The following NCK2 variants were observed in gnomAD, a reference collection of about 807,000 sequenced individuals.
NCK2 encodes the protein cytoplasmic protein NCK2.
Under a neutral mutation model 33.9 loss-of-function variants are expected in NCK2, and 16 were observed. The ratio of observed to expected loss-of-function variants is 0.47; its 90% CI spans 0.32 to 0.72. The LOEUF is 0.72. Ranked by LOEUF, NCK2 falls within the 30% of genes least tolerant of loss-of-function variation. The probability of loss-of-function intolerance (pLI) is 0.03; values close to 1 mark genes in which losing one functional copy is unlikely to be tolerated. For missense variants in NCK2, 418 were observed against 537.3 expected (o/e 0.78, Z 2.19); for synonymous variants, 273 against 239.9 (o/e 1.14, Z -1.27).
At chr2:105,786,211 A>G (rs943271884) in intron 1 of NCK2, among the ~76,000 whole-genome samples, 2 of 152,246 alleles carry the variant, frequency 1.3e-5, no homozygotes, top group African/African-American at 4.8e-5. Context: ...ACCAGGGATG[A>G]AAAAATTATG....
intron 1 of NCK2, among the ~76,000 whole-genome samples, chr2:105,756,255 T>G (rs1363103540): frequency 4.6e-5 from 7 of 152,268 alleles, no homozygotes; most frequent in Non-Finnish European, 1.0e-4. Flanking sequence ...CCTCTCTTCC[T>G]GTGCTGTTTC....
intron 2 of NCK2, chr2:105,846,776 A>G (rs1676869379): frequency 2.0e-5 from 3 of 152,202 alleles, no homozygotes; most frequent in Admixed American, 2.0e-4. Flanking sequence ...CCCTCAAAAA[A>G]TTAAAACTAG....
intron 3 of NCK2, among the ~76,000 whole-genome samples, chr2:105,859,040 C>T (rs979212670): frequency 4.6e-5 from 7 of 152,168 alleles, no homozygotes; most frequent in South Asian, 2.1e-4. Flanking sequence ...CAGTGGAGAG[C>T]GGTCCTGGGC....
chr2:105,836,735 G>C (rs1295530705), intron 2 of NCK2, among the ~76,000 whole-genome samples: 1 of 152,160 alleles, frequency 6.6e-6, no homozygotes, highest in Non-Finnish European at 1.5e-5. Context: ...AAACACTGCA[G>C]CTCTTTGGGT....
At chr2:105,892,643 C>A (rs1231326395) in intron 4 of NCK2, among the ~76,000 whole-genome samples, 1 of 151,594 alleles carries the variant, frequency 6.6e-6, no homozygotes, top group South Asian at 2.1e-4. Flanking sequence ...GTCAGAAGTT[C>A]AAGACCAGCC....
chr2:105,769,899 G>GA (rs1292027951), intron 1 of NCK2, among the ~76,000 whole-genome samples: 1 of 152,092 alleles, frequency 6.6e-6, no homozygotes, highest in Non-Finnish European at 1.5e-5. Flanking sequence ...TTAATTTTTT[G>GA]ACCTTCTGCT....
chr2:105,775,557 CATT>C (rs1273844160), intron 1 of NCK2, among the ~76,000 whole-genome samples: 2 of 152,096 alleles, frequency 1.3e-5, no homozygotes, highest in African/African-American at 4.8e-5. Flanking sequence ...GGGTTTTAAA[CATT>C]ATTTATGAAT....
At chr2:105,773,108 A>G (rs1573575148) in intron 1 of NCK2, among the ~76,000 whole-genome samples, 1 of 151,438 alleles carries the variant, frequency 6.6e-6, no homozygotes, top group Non-Finnish European at 1.5e-5. Flanking sequence ...TGTGTTATCC[A>G]GGCTGGTCTG....
chr2:105,844,768 A>G (rs923931599), intron 2 of NCK2, among the ~76,000 whole-genome samples: 2 of 131,908 alleles, frequency 1.5e-5, no homozygotes, highest in African/African-American at 5.7e-5. Context: ...ATATATATAT[A>G]TGTATGTATG....
chr2:105,880,936 A>ATTTTTTTTTTTTTTTTTTTTTTTTTTTTT (rs59005322), intron 3 of NCK2, among the ~76,000 whole-genome samples: 3 of 103,542 alleles, frequency 2.9e-5, no homozygotes, highest in Non-Finnish European at 3.9e-5. Context: ...CAGGTGGCTA[A>ATTTTTTTTTTTTTTTTTTTTTTTTTTTTT]TTTTTTTTTT....
At chr2:105,891,117 C>T (rs910939995) in intron 4 of NCK2, among the ~76,000 whole-genome samples, 9 of 152,244 alleles carry the variant, frequency 5.9e-5, no homozygotes, top group African/African-American at 9.6e-5. Context: ...CCCACACGCA[C>T]TTATACATTC....
intron 1 of NCK2, among the ~76,000 whole-genome samples, chr2:105,755,471 T>A (rs937343275): frequency 6.6e-6 from 1 of 152,204 alleles, no homozygotes; most frequent in Non-Finnish European, 1.5e-5. Flanking sequence ...GATTCCGTCT[T>A]CCATAAGAAG....
chr2:105,820,845 A>G (rs1239290070), intron 2 of NCK2, among the ~76,000 whole-genome samples: 1 of 152,204 alleles, frequency 6.6e-6, no homozygotes, highest in Non-Finnish European at 1.5e-5. Flanking sequence ...GTAGTGGGAT[A>G]GGAAGGACAG....
chr2:105,857,976 A>T (rs1227241419), intron 3 of NCK2, among the ~76,000 whole-genome samples: 1 of 151,842 alleles, frequency 6.6e-6, no homozygotes, highest in Non-Finnish European at 1.5e-5. Context: ...TGCTTTCCAT[A>T]GCCCCTCCTG....
intron 1 of NCK2, among the ~76,000 whole-genome samples, chr2:105,755,886 G>A (rs1412482453): frequency 6.6e-6 from 1 of 152,174 alleles, no homozygotes; most frequent in Admixed American, 6.5e-5. Context: ...ACATATGTTA[G>A]CTTTTGAATG....
intron 3 of NCK2, among the ~76,000 whole-genome samples, chr2:105,878,706 A>T (rs1678336981): frequency 6.6e-6 from 1 of 152,210 alleles, no homozygotes; most frequent in African/African-American, 2.4e-5. Flanking sequence ...ACACAGAGAG[A>T]CATTTATTAA....
intron 2 of NCK2, among the ~76,000 whole-genome samples, chr2:105,817,648 C>A (rs1020882343): frequency 6.6e-6 from 1 of 152,208 alleles, no homozygotes; most frequent in Admixed American, 6.5e-5. Flanking sequence ...CAAAAGAAGA[C>A]ATTTATGCAG....
At chr2:105,749,980 A>G (rs769264732) in intron 1 of NCK2, among the ~76,000 whole-genome samples, 3 of 151,490 alleles carry the variant, frequency 2.0e-5, no homozygotes, top group Non-Finnish European at 4.4e-5. Context: ...CAGTGAGCCA[A>G]GATCACACCA....
intron 1 of NCK2, among the ~76,000 whole-genome samples, chr2:105,757,765 C>G (rs1689638998): frequency 6.6e-6 from 1 of 152,074 alleles, no homozygotes; most frequent in Admixed American, 6.5e-5. Context: ...TGGGAAGTCC[C>G]CCTCTAACCT....
Sources: gnomAD v4.1 joint callset for allele counts (sites outside exome capture counted in the v4.1 genomes callset) on GRCh38, gnomAD v4.1.1 for gene constraint, MANE v1.5 for transcripts, NCBI Gene and HGNC (gene_info 2026-07-23, HGNC 2026-07-21) for gene names.